Variants in KANK1 observed in about 807,000 individuals in gnomAD.
KANK1 encodes KN motif and ankyrin repeat domain-containing protein 1.
A neutral mutation model predicts 106.2 loss-of-function variants in KANK1; 109 were observed. The observed-to-expected ratio is 1.03, with a 90% CI of 0.88 to 1.20. KANK1 has a LOEUF of 1.20. Among genes scored for constraint, KANK1 ranks in the 50% most tolerant of loss-of-function variants. KANK1 has a pLI of 0.00. For missense variants in KANK1, 2,399 were observed against 1,710.7 expected (o/e 1.40, Z -7.10); for synonymous variants, 873 against 652.2 (o/e 1.34, Z -5.16).
intron 2 of KANK1, among the ~76,000 whole-genome samples, chr9:701,779 C>T (rs930214178): frequency 6.6e-5 from 10 of 152,152 alleles, no homozygotes; most frequent in African/African-American, 1.7e-4. Context: ...TAATCTTCTT[C>T]CTGGTGAGTA....
intron 6 of KANK1, chr9:733,879 G>A (rs1275807378): frequency 1.3e-5 from 2 of 152,264 alleles, no homozygotes; most frequent in African/African-American, 4.8e-5. Flanking sequence ...TTGGGAGGCT[G>A]AGGCAGGCAG....
At chr9:559,621 C>A (rs1011873278) in intron 1 of KANK1, among the ~76,000 whole-genome samples, 1 of 152,194 alleles carries the variant, frequency 6.6e-6, no homozygotes, top group Non-Finnish European at 1.5e-5. Flanking sequence ...TTGTAGACTT[C>A]TGTTGACAAT....
chr9:644,930 G>T (rs1839312412), intron 1 of KANK1, among the ~76,000 whole-genome samples: 1 of 150,596 alleles, frequency 6.6e-6, no homozygotes, highest in African/African-American at 2.5e-5. Context: ...AGACCAGCCT[G>T]GGCAACATGG....
intron 7 of KANK1, among the ~76,000 whole-genome samples, chr9:736,404 A>C (rs1028391690): frequency 4.6e-5 from 7 of 152,134 alleles, no homozygotes; most frequent in Non-Finnish European, 5.9e-5. Context: ...AGCTGTACTA[A>C]ATAAAATTGC....
intron 2 of KANK1, among the ~76,000 whole-genome samples, chr9:708,389 G>A (rs1215893988): frequency 6.6e-6 from 1 of 152,244 alleles, no homozygotes; most frequent in Non-Finnish European, 1.5e-5. Flanking sequence ...ACGAGCACAA[G>A]TTTCCAGGCA....
At chr9:731,844 T>A (rs1167575917) in intron 5 of KANK1, 2 of 154,868 alleles carry the variant, frequency 1.3e-5, no homozygotes, top group African/African-American at 4.8e-5. Context: ...AATGAATTGA[T>A]ACATGGCCCC....
At chr9:651,804 G>C (rs1840937800) in intron 1 of KANK1, among the ~76,000 whole-genome samples, 1 of 152,182 alleles carries the variant, frequency 6.6e-6, no homozygotes, top group Non-Finnish European at 1.5e-5. Context: ...TACCAACATA[G>C]ATAATGTTTG....
At position 603,079 on chromosome 9, in the gene KANK1, T is replaced by A. The variant is rs142339292; in HGVS notation, c.-83-73811T>A. On this transcript the variant is annotated intron_variant, in intron 1 of 11. Transcript: ENST00000382297. ...CTGTTTCTTACATATGGGGAAAGAG[T>A]CTCTTATTCTCTTTTGGAATATAGA... Among the ~76,000 whole-genome samples the A allele has an allele frequency of 1.1e-4, 16 of 151,896 alleles. 1 individual carries two copies. The highest frequency in any genetic ancestry group is 1.5e-4 in the Non-Finnish European group (10 of 68,028).
chr9:712,809 C>T lies in KANK1; in HGVS notation c.2043C>T (p.His681=). ...CTAGCACAGATTTGGAACAGGTGCA[C>T]CAGTTCACCAACACCGAGACGGCCA... ...QDTSTDLEQV[H]QFTNTETATL... is the part of the protein sequence containing the mutation. The change falls in exon 3 of 12, where the codon CAC becomes CAT. Residue 681 remains histidine (H), a synonymous_variant. Transcript: ENST00000382297. 1 of 1,613,836 alleles carries T rather than the reference C, an allele frequency of 6.2e-7. No individual in the cohort carries two copies. Among genetic ancestry groups the T allele is most frequent in the Non-Finnish European group, 8.5e-7 (1 of 1,179,940 alleles).
intron 1 of KANK1, among the ~76,000 whole-genome samples, chr9:572,352 C>T (rs1819421656): frequency 1.3e-5 from 2 of 151,786 alleles, no homozygotes; most frequent in Admixed American, 1.3e-4. Flanking sequence ...AGATCGAGAC[C>T]ATCCTGGCTA....
chr9:518,901 T>C (rs1037763787), intron 1 of KANK1, among the ~76,000 whole-genome samples: 5 of 151,410 alleles, frequency 3.3e-5, no homozygotes, highest in African/African-American at 9.8e-5. Flanking sequence ...TTTTTTTTTT[T>C]TGTTTTGAGA....
chr9:516,998 TAC>T lies in KANK1; in HGVS notation c.-84+12272_-84+12273del, dbSNP rs148954863. ...GTGGTTTCTATTCTTCATCACCCTC[TAC>T]ACACACACACACACACACACACACA... On this transcript the variant is annotated intron_variant, in intron 1 of 11. Transcript: ENST00000382297. Among the ~76,000 whole-genome samples the T allele has an allele frequency of 2.6e-3, 384 of 145,130 alleles. 1 individual carries two copies. Among genetic ancestry groups the T allele is most frequent in the East Asian group, 0.015 (73 of 4,894 alleles).
chr9:541,993 GC>G (rs2060630916), intron 1 of KANK1, among the ~76,000 whole-genome samples: 1 of 151,546 alleles, frequency 6.6e-6, no homozygotes, highest in Non-Finnish European at 1.5e-5. Context: ...GGAGGCTGAG[GC>G]AGGAGAATGG....
chr9:658,720 T>C (rs1019411637), intron 1 of KANK1, among the ~76,000 whole-genome samples: 1 of 152,330 alleles, frequency 6.6e-6, no homozygotes, highest in Admixed American at 6.5e-5. Flanking sequence ...TAGCACTGTT[T>C]GTTGAAAAGA....
chr9:501,487 CT>C (rs888247558), upstream of KANK1, among the ~76,000 whole-genome samples: 6 of 152,064 alleles, frequency 3.9e-5, no homozygotes, highest in Admixed American at 3.9e-4. Flanking sequence ...TAGCTAAGGG[CT>C]TATGTATTGA....
intron 1 of KANK1, among the ~76,000 whole-genome samples, chr9:575,937 C>T (rs943264311): frequency 6.6e-6 from 1 of 152,164 alleles, no homozygotes; most frequent in Non-Finnish European, 1.5e-5. Flanking sequence ...GCAGGAAGAT[C>T]GCTTGAACCC....
chr9:639,107 C>T (rs1002279201), intron 1 of KANK1, among the ~76,000 whole-genome samples: 1 of 152,160 alleles, frequency 6.6e-6, no homozygotes, highest in African/African-American at 2.4e-5. Context: ...TTTCCCCCCA[C>T]ACATCTGATT....
At chr9:742,433 C>G in intron 10 of KANK1, 28 bp downstream of exon 10, 1 of 1,581,896 alleles carries the variant, frequency 6.3e-7, no homozygotes, top group East Asian at 2.2e-5. Context: ...GGCCTCCTGG[C>G]CAGGGGTCTG....
intron 1 of KANK1, among the ~76,000 whole-genome samples, chr9:524,982 CTTTTTTTT>C (rs35377139): frequency 1.1e-5 from 1 of 91,980 alleles, no homozygotes; most frequent in African/African-American, 4.7e-5. Context: ...CTCTTGCTGC[CTTTTTTTT>C]TTTTTTTTTT....
Sources: allele counts gnomAD v4.1 joint callset (sites outside exome capture counted in the v4.1 genomes callset), GRCh38; gene constraint gnomAD v4.1.1; transcripts MANE v1.5; gene names NCBI Gene and HGNC (gene_info 2026-07-23, HGNC 2026-07-21).